ZFAND3: variants seen among roughly 807,000 people sequenced by gnomAD.
The protein encoded by ZFAND3 is zinc finger AN1-type containing 3.
In ZFAND3, 10 loss-of-function variants were observed where a neutral mutation model predicts 29.6. The observed-to-expected ratio is 0.34, with a 90% CI of 0.21 to 0.57. The LOEUF is 0.57. Ranked by LOEUF, ZFAND3 falls within the 20% of genes least tolerant of loss-of-function variation. The pLI, the probability that ZFAND3 is intolerant of heterozygous loss-of-function variation, is 0.86. For synonymous variants in ZFAND3, 128 were observed against 112.6 expected (o/e 1.14, Z -0.87); for missense variants, 230 against 304.5 (o/e 0.76, Z 1.82).
At chr6:37,826,424 G>C (rs1295107552) in intron 1 of ZFAND3, among the ~76,000 whole-genome samples, 1 of 152,140 alleles carries the variant, frequency 6.6e-6, no homozygotes, top group Non-Finnish European at 1.5e-5. Flanking sequence ...TTTCCTGTAA[G>C]TGTCATATGC....
chr6:37,969,193 C>T (rs1233017512), intron 2 of ZFAND3, among the ~76,000 whole-genome samples: 7 of 152,118 alleles, frequency 4.6e-5, no homozygotes, highest in African/African-American at 1.2e-4. Flanking sequence ...GTATCACTGT[C>T]GCATATGTGG....
At chr6:38,041,639 T>A in intron 2 of ZFAND3, among the ~76,000 whole-genome samples, 1 of 12,754 alleles carries the variant, frequency 7.8e-5, no homozygotes, top group African/African-American at 2.7e-4. Context: ...TTTTTCTTCT[T>A]CTTCTTCTTC....
intron 2 of ZFAND3, among the ~76,000 whole-genome samples, chr6:38,022,851 T>C (rs1486771496): frequency 6.6e-6 from 1 of 152,210 alleles, no homozygotes; most frequent in Non-Finnish European, 1.5e-5. Context: ...ACAGCACAAC[T>C]TGATTGGAAC....
chr6:37,925,719 A>G (rs1487590829), intron 1 of ZFAND3, among the ~76,000 whole-genome samples: 1 of 150,832 alleles, frequency 6.6e-6, no homozygotes, highest in Admixed American at 6.6e-5. Context: ...AAAAAAAAAA[A>G]GGTTTCTAGA....
intron 2 of ZFAND3, among the ~76,000 whole-genome samples, chr6:38,041,979 A>C (rs2127456396): frequency 6.7e-6 from 1 of 149,704 alleles, no homozygotes; most frequent in Admixed American, 6.7e-5. Context: ...TGGGACTATA[A>C]GTGTGCACAC....
At chr6:37,899,899 A>AT (rs1302505448) in intron 1 of ZFAND3, among the ~76,000 whole-genome samples, 1 of 152,204 alleles carries the variant, frequency 6.6e-6, no homozygotes, top group Admixed American at 6.5e-5. Flanking sequence ...GTGCTTAACC[A>AT]TTATACATTT....
At chr6:37,964,408 G>A (rs1561949192) in intron 2 of ZFAND3, among the ~76,000 whole-genome samples, 1 of 152,334 alleles carries the variant, frequency 6.6e-6, no homozygotes, top group East Asian at 1.9e-4. Context: ...AACTGGTGAT[G>A]TGCAGGTGTA....
At chr6:37,892,044 C>A (rs1216131461) in intron 1 of ZFAND3, among the ~76,000 whole-genome samples, 1 of 152,126 alleles carries the variant, frequency 6.6e-6, no homozygotes. Flanking sequence ...ATACATTATT[C>A]TTAAGGGCAC....
chr6:37,870,318 A>AAAAAAT (rs1764670487), intron 1 of ZFAND3, among the ~76,000 whole-genome samples: 1 of 150,052 alleles, frequency 6.7e-6, no homozygotes, highest in Non-Finnish European at 1.5e-5. Flanking sequence ...AAAAAAAAAA[A>AAAAAAT]AGGGCGGGCA....
chr6:37,835,839 T>C lies in ZFAND3; in HGVS notation c.71+15823T>C, dbSNP rs990127452. Among the ~76,000 whole-genome samples the C allele has an allele frequency of 8.5e-5, 13 of 152,350 alleles. 1 individual carries two copies. The highest frequency in any genetic ancestry group is 3.3e-4 in the Admixed American group (5 of 15,306). ...TTGGAATTCTTTCCAAATGAGCATA[T>C]ACATTTCTAGCATCCTGTATAATAA... On this transcript the variant is annotated intron_variant, in intron 1 of 5. Coordinates refer to ENST00000287218, the MANE Select transcript of ZFAND3 (RefSeq NM_021943.3).
At chr6:38,041,620 T>G in intron 2 of ZFAND3, among the ~76,000 whole-genome samples, 1 of 124,532 alleles carries the variant, frequency 8.0e-6, no homozygotes, top group Non-Finnish European at 1.9e-5. Context: ...CCACTGTTTT[T>G]TTATCTACTT....
chr6:38,085,793 G>C (rs1171782656), intron 4 of ZFAND3, among the ~76,000 whole-genome samples: 1 of 151,984 alleles, frequency 6.6e-6, no homozygotes, highest in African/African-American at 2.4e-5. Flanking sequence ...ACATATTAAA[G>C]GTACATGGCC....
intron 2 of ZFAND3, among the ~76,000 whole-genome samples, chr6:37,994,229 T>C (rs1762810676): frequency 1.3e-5 from 2 of 152,184 alleles, no homozygotes; most frequent in African/African-American, 4.8e-5. Flanking sequence ...AATCCTTCAG[T>C]GTCTTCCATA....
At chr6:37,941,567 T>C (rs1423452234) in intron 2 of ZFAND3, among the ~76,000 whole-genome samples, 1 of 152,232 alleles carries the variant, frequency 6.6e-6, no homozygotes, top group Non-Finnish European at 1.5e-5. Flanking sequence ...ATATGACTTT[T>C]AGCTCATTAA....
intron 2 of ZFAND3, among the ~76,000 whole-genome samples, chr6:37,976,945 A>G (rs1762489424): frequency 6.6e-6 from 1 of 152,158 alleles, no homozygotes; most frequent in Non-Finnish European, 1.5e-5. Context: ...ATCACCAGAC[A>G]ATCATGATGT....
At chr6:37,914,672 C>CTTTTCTTTTTTTT (rs1554157846) in intron 1 of ZFAND3, among the ~76,000 whole-genome samples, 3 of 114,210 alleles carry the variant, frequency 2.6e-5, no homozygotes, top group Non-Finnish European at 5.3e-5. Context: ...CTTTTTTTTT[C>CTTTTCTTTTTTTT]TTTTTTTTTT....
intron 1 of ZFAND3, among the ~76,000 whole-genome samples, chr6:37,856,090 G>T (rs1353751621): frequency 6.6e-6 from 1 of 151,494 alleles, no homozygotes; most frequent in Admixed American, 6.6e-5. Flanking sequence ...ATGCAGTGGT[G>T]CTCAAGTGAT....
chr6:37,908,120 T>C (rs545995514), intron 1 of ZFAND3, among the ~76,000 whole-genome samples: 1 of 152,332 alleles, frequency 6.6e-6, no homozygotes, highest in Non-Finnish European at 1.5e-5. Context: ...TGTCTTAATC[T>C]AGAATGGTTC....
chr6:37,896,568 TTCTCTCTTTCTCTC>T (rs1765218147), intron 1 of ZFAND3, among the ~76,000 whole-genome samples: 1 of 145,636 alleles, frequency 6.9e-6, no homozygotes. Context: ...CTTTCTTTCT[TTCTCTCTTTCTCTC>T]TCTTTCTCTT....
Sources: allele counts gnomAD v4.1 joint callset (sites outside exome capture counted in the v4.1 genomes callset), GRCh38; gene constraint gnomAD v4.1.1; transcripts MANE v1.5; gene names NCBI Gene and HGNC (gene_info 2026-07-23, HGNC 2026-07-21).